AGAP3: variants seen among roughly 807,000 people sequenced by gnomAD.
AGAP3 encodes the protein arf-GAP with GTPase, ANK repeat and PH domain-containing protein 3.
AGAP3 carries 24 observed loss-of-function variants against 96.9 expected under a neutral mutation model. The ratio of observed to expected loss-of-function variants is 0.25; its 90% CI spans 0.18 to 0.35. AGAP3 has a LOEUF of 0.35. Among genes scored for constraint, AGAP3 ranks in the 10% least tolerant of loss-of-function variants. AGAP3 has a pLI of 1.00. For synonymous variants in AGAP3, 563 were observed against 536.1 expected (o/e 1.05, Z -0.69); for missense variants, 876 against 1,254.2 (o/e 0.70, Z 4.55).
At chr7:151,125,459 G>A (rs1800115941) in intron 9 of AGAP3, among the ~76,000 whole-genome samples, 1 of 152,228 alleles carries the variant, frequency 6.6e-6, no homozygotes, top group Non-Finnish European at 1.5e-5. Context: ...AAATCTCAGG[G>A]ACGCTCAGTA....
rs1477802736 is a variant in AGAP3, at chr7:151,142,108, G to A, written c.1960-55G>A. ...GCACCTGGCTGGGGTGGGACTGAAA[G>A]GGGCCTCATGACTGACCAACCGCCC... is the stretch of plus-strand genomic sequence containing the variant. On this transcript the variant is annotated intron_variant, in intron 14 of 17. Coordinates refer to ENST00000397238, the MANE Select transcript of AGAP3 (RefSeq NM_031946.7). The surrounding 1 kb of genome is among the most constrained non-coding windows in gnomAD (Gnocchi z 7.5). 6.2e-7 allele frequency: 1 copy of A among 1,607,960 alleles called. No homozygotes were observed. The highest frequency in any genetic ancestry group is 8.5e-7 in the Non-Finnish European group (1 of 1,175,740).
Position 151,086,840 on chromosome 7 carries a change from C to T in AGAP3, c.99C>T (p.Gly33=). The change falls in exon 1 of 18, where the codon GGC becomes GGT. Residue 33 remains glycine (G), a synonymous_variant. Coordinates refer to ENST00000397238, the MANE Select transcript of AGAP3 (RefSeq NM_031946.7). ...CTGCCGCGCAGCAGCTCGTCTGCGG[C>T]GGGCAGTTCGGCGGCGCGGGGCCCG... ...GGAAAQQLVC[G]GQFGGAGPGA... 1.0e-6 allele frequency: 1 copy of T among 969,246 alleles called. No homozygotes were observed. The highest frequency in any genetic ancestry group is 1.2e-6 in the Non-Finnish European group (1 of 816,310). The allele number at this position is 969,246 out of a possible 1,614,324, so 60.0% of individuals were successfully genotyped here.
At chr7:151,136,689 T>C (rs1412199520) in intron 11 of AGAP3, 1 of 152,022 alleles carries the variant, frequency 6.6e-6, no homozygotes, top group East Asian at 1.9e-4. Flanking sequence ...GAAAGCACTT[T>C]CCCTCCCTCA....
chr7:151,142,375 C>T lies in AGAP3; in HGVS notation c.2051-37C>T, dbSNP rs373458672. The T allele has an allele frequency of 2.9e-5, 46 of 1,602,372 alleles. No individual in the cohort carries two copies. The highest frequency in any genetic ancestry group is 1.6e-4 in the African/African-American group (12 of 74,754). ...AGTTGTCCCGCGCTCTGGTGGCCTG[C>T]CTGCTGTCGCTGTATCATTCTCCTC... On this transcript the variant is annotated intron_variant, in intron 15 of 17. Transcript: ENST00000397238. The surrounding 1 kb of genome is among the most constrained non-coding windows in gnomAD (Gnocchi z 7.5).
intron 8 of AGAP3, chr7:151,120,459 A>C: frequency 3.0e-6 from 2 of 660,490 alleles, no homozygotes; most frequent in Non-Finnish European, 5.4e-6. Context: ...GGTGTCTGTG[A>C]GCTTGAAAGT....
At chr7:151,137,727 C>T (rs1800656455) in intron 11 of AGAP3, 1 of 193,428 alleles carries the variant, frequency 5.2e-6, no homozygotes, top group South Asian at 1.9e-4. Context: ...TATTTCTCGT[C>T]AGAATGGCAG....
intron 8 of AGAP3, chr7:151,120,702 T>A: frequency 8.1e-7 from 1 of 1,234,862 alleles, no homozygotes; most frequent in Non-Finnish European, 1.0e-6. Flanking sequence ...GGCTTAGCCA[T>A]CTTTTCCTGG....
At chr7:151,112,584 T>C (rs1458731116) in intron 1 of AGAP3, among the ~76,000 whole-genome samples, 1 of 151,982 alleles carries the variant, frequency 6.6e-6, no homozygotes, top group Non-Finnish European at 1.5e-5. Flanking sequence ...TCGGCTCCCA[T>C]AGCTGCTGTC....
At chr7:151,105,966 G>T (rs1026856018) in intron 1 of AGAP3, among the ~76,000 whole-genome samples, 1 of 149,372 alleles carries the variant, frequency 6.7e-6, no homozygotes, top group Non-Finnish European at 1.5e-5. Context: ...CTCTTAAAAT[G>T]ACAGGAAAAC....
chr7:151,112,322 A>G (rs1272047816), intron 1 of AGAP3: 2 of 152,056 alleles, frequency 1.3e-5, no homozygotes, highest in African/African-American at 4.8e-5. Flanking sequence ...CTGCAGGTGC[A>G]GTGGGACTAC....
At position 151,120,142 on chromosome 7, in the gene AGAP3, C is replaced by T. The variant is rs1185738175; in HGVS notation, c.1125C>T (p.Phe375=). 6.2e-7 allele frequency: 1 copy of T among 1,606,712 alleles called. No individual in the cohort carries two copies. Among genetic ancestry groups the T allele is most frequent in the East Asian group, 2.2e-5 (1 of 44,790 alleles). Residue 375 remains phenylalanine (F), a synonymous_variant, in exon 8 of 18, where the codon TTC becomes TTT. Coordinates refer to ENST00000397238, the MANE Select transcript of AGAP3 (RefSeq NM_031946.7). Reference sequence around the variant, plus strand: ...AGTCCAAGCGGCGCTCCAACATCTTCACGGTACGTGACTGCCCTCCTCCCC... The same window carrying T: ...AGTCCAAGCGGCGCTCCAACATCTTTACGGTACGTGACTGCCCTCCTCCCC... The part of the protein sequence containing the change: ...RKQSKRRSNI[F]TSRKGADLDR...
At chr7:151,117,051 GTGCCCTC>G (rs574862697) in intron 2 of AGAP3, 37 bp from the exon 3 acceptor site, 197 of 1,581,852 alleles carry the variant, frequency 1.2e-4, no homozygotes, top group Non-Finnish European at 1.6e-4. Flanking sequence ...CTTCTCCCTC[GTGCCCTC>G]TGCCCTCTGA....
At chr7:151,087,150 C>A in intron 1 of AGAP3, 78 bp downstream of exon 1, 2 of 1,448,002 alleles carry the variant, frequency 1.4e-6, no homozygotes, top group Non-Finnish European at 9.5e-7. Context: ...CAGGCCGTGC[C>A]TGGCCATGCT....
intron 1 of AGAP3, among the ~76,000 whole-genome samples, chr7:151,095,502 A>G (rs776158452): frequency 6.6e-6 from 1 of 152,074 alleles, no homozygotes; most frequent in Non-Finnish European, 1.5e-5. Flanking sequence ...CAGCGCCTGG[A>G]GTGGGATCAA....
At chr7:151,121,226 A>G (rs889028761) in intron 8 of AGAP3, among the ~76,000 whole-genome samples, 1 of 151,834 alleles carries the variant, frequency 6.6e-6, no homozygotes, top group African/African-American at 2.4e-5. Context: ...GCGGCCATCC[A>G]TGCTAACAGA....
rs959832058 is a variant in AGAP3 at position 151,096,477 on chromosome 7, CT to C, written c.331+9418del. Among the ~76,000 whole-genome samples the C allele has an allele frequency of 1.5e-3, 221 of 144,806 alleles. No homozygotes were observed. The highest frequency in any genetic ancestry group is 1.4e-3 in the Non-Finnish European group (92 of 65,492). The allele number at this position is 144,806 out of a possible 152,430, so 95.0% of individuals were successfully genotyped here. The stretch of plus-strand genomic sequence containing the variant: ...CACGTGTGAACTTAAATTTTCTTTT[CT>C]TTTTTTTTTTTTGAGGTGGAGTCTC... On this transcript the variant is annotated intron_variant, in intron 1 of 17. Transcript: ENST00000397238. This position sits in a 1 kb window ranked among gnomAD's most constrained non-coding sequence, Gnocchi z 4.4.
Position 151,142,711 on chromosome 7 carries a change from G to A in AGAP3, c.2273+77G>A. 3 of 1,462,498 alleles carry A rather than the reference G, an allele frequency of 2.1e-6. No homozygotes were observed. Among genetic ancestry groups the A allele is most frequent in the Non-Finnish European group, 2.8e-6 (3 of 1,066,900 alleles). The allele number at this position is 1,462,498 out of a possible 1,614,324, so 90.6% of individuals were successfully genotyped here. On this transcript the variant is annotated intron_variant, in intron 16 of 17. Transcript: ENST00000397238. This position sits in a 1 kb window ranked among gnomAD's most constrained non-coding sequence, Gnocchi z 7.5. ...CTCCCAGCATGGGGAAGATTGGAGT[G>A]GCTGTGATGGTATTAGAAGGGTTAA...
Position 151,114,613 on chromosome 7 carries a change from TG to T in AGAP3, c.332-2177del. The T allele has an allele frequency of 2.9e-6, 2 of 696,638 alleles. No individual in the cohort carries two copies. The highest frequency in any genetic ancestry group is 3.5e-6 in the Non-Finnish European group (2 of 564,202). The allele number at this position is 696,638 out of a possible 1,614,324, so 43.2% of individuals were successfully genotyped here. A position where few individuals can be genotyped will look rare whatever the true frequency, so the allele number is the denominator to read the frequency against. Reference sequence around the variant, plus strand: ...GGCTGACTCCCGGCCTCTCCAGGTCTGGGCTTGCCGGCCGCGAGGTGGAGGA... The same window carrying T: ...GGCTGACTCCCGGCCTCTCCAGGTCTGGCTTGCCGGCCGCGAGGTGGAGGA... On this transcript the variant is annotated intron_variant, in intron 1 of 17. Transcript: ENST00000397238. This position sits in a 1 kb window ranked among gnomAD's most constrained non-coding sequence, Gnocchi z 4.4.
intron 11 of AGAP3, among the ~76,000 whole-genome samples, chr7:151,137,382 T>G (rs1183719536): frequency 6.6e-6 from 1 of 152,218 alleles, no homozygotes; most frequent in African/African-American, 2.4e-5. Context: ...TTCTTTGTGG[T>G]CTCAGTGTTG....
Sources: allele counts gnomAD v4.1 joint callset (sites outside exome capture counted in the v4.1 genomes callset), GRCh38; gene constraint gnomAD v4.1.1; non-coding constraint Gnocchi (gnomAD v3.1); transcripts MANE v1.5; gene names NCBI Gene and HGNC (gene_info 2026-07-23, HGNC 2026-07-21).